The following FARP1 variants were observed in gnomAD, a reference collection of about 807,000 sequenced individuals.
The protein encoded by FARP1 is FERM, ARH/RhoGEF and pleckstrin domain protein 1.
FARP1 carries 52 observed loss-of-function variants against 128.8 expected under a neutral mutation model. That is an observed-to-expected ratio of 0.40 (90% CI 0.32 to 0.51). The LOEUF (loss-of-function observed/expected upper bound fraction) is 0.51. FARP1 is among the 20% of genes least tolerant of loss of function. The pLI is 0.45. For synonymous variants in FARP1, 580 were observed against 551.8 expected, an observed-to-expected ratio of 1.05 and a Z score of -0.72; for missense variants, 1,333 against 1,367.9, an observed-to-expected ratio of 0.97 and a Z score of 0.40.
At chr13:98,215,399 C>T (rs370850860) in intron 2 of FARP1, among the ~76,000 whole-genome samples, 1 of 152,166 alleles carries the variant, frequency 6.6e-6, no homozygotes, top group African/African-American at 2.4e-5. Flanking sequence ...ACTCATATAC[C>T]TGTCAGATGC....
chr13:98,171,430 A>C (rs1877645877), intron 1 of FARP1, among the ~76,000 whole-genome samples: 1 of 152,194 alleles, frequency 6.6e-6, no homozygotes, highest in African/African-American at 2.4e-5. Flanking sequence ...TTCTCTGAGC[A>C]TCACTTATGA....
At chr13:98,167,630 G>A (rs867370997) in intron 1 of FARP1, among the ~76,000 whole-genome samples, 4 of 151,648 alleles carry the variant, frequency 2.6e-5, no homozygotes, top group Non-Finnish European at 5.9e-5. Flanking sequence ...GGCTGGTCGC[G>A]AACTTCTGAC....
intron 2 of FARP1, among the ~76,000 whole-genome samples, chr13:98,321,151 G>C (rs550473260): frequency 2.6e-5 from 4 of 152,306 alleles, no homozygotes; most frequent in African/African-American, 9.6e-5. Context: ...AACCCTCCAG[G>C]ACTCTTGGTC....
At chr13:98,392,601 A>C (rs759987035) in intron 11 of FARP1, among the ~76,000 whole-genome samples, 2 of 151,882 alleles carry the variant, frequency 1.3e-5, no homozygotes, top group African/African-American at 4.8e-5. Context: ...TTTTAATACT[A>C]CCTTTTTTTT....
intron 5 of FARP1, among the ~76,000 whole-genome samples, chr13:98,377,195 G>A (rs1471586557): frequency 2.0e-5 from 3 of 151,760 alleles, no homozygotes; most frequent in Non-Finnish European, 4.4e-5. Flanking sequence ...CCAGCTACTC[G>A]GGAGGCTGAG....
intron 2 of FARP1, among the ~76,000 whole-genome samples, chr13:98,237,159 C>T (rs1353070213): frequency 1.3e-5 from 2 of 151,758 alleles, no homozygotes; most frequent in Non-Finnish European, 2.9e-5. Flanking sequence ...ACAAAATTTG[C>T]CGGGCATGGT....
chr13:98,322,882 G>T (rs1887062765), intron 2 of FARP1, among the ~76,000 whole-genome samples: 1 of 152,178 alleles, frequency 6.6e-6, no homozygotes, highest in Non-Finnish European at 1.5e-5. Context: ...GATTTGCCTA[G>T]AAATTTGTTT....
At position 98,440,104 on chromosome 13, in the gene FARP1, G is replaced by A. The variant is rs2139117042; in HGVS notation, c.2517-19G>A. ...TTGATGTGCTGTGGCCTGAACACCTGACGCGTCTCTGTCTCCAGTTCTCGG... is the reference window on the plus strand; with the variant it reads ...TTGATGTGCTGTGGCCTGAACACCTAACGCGTCTCTGTCTCCAGTTCTCGG... On this transcript the variant is annotated intron_variant, in intron 22 of 26. Transcript: ENST00000319562. 6.2e-7 allele frequency: 1 copy of A among 1,610,944 alleles called. No individual in the cohort carries two copies. Among genetic ancestry groups the A allele is most frequent in the East Asian group, 2.2e-5 (1 of 44,840 alleles).
chr13:98,312,793 A>G (rs678950), intron 2 of FARP1, among the ~76,000 whole-genome samples: 79,929 of 151,962 alleles, frequency 0.53, 22,636 homozygotes, highest in East Asian at 0.71. Context: ...TTGAGTCACT[A>G]TAGAGGCCGT....
intron 2 of FARP1, among the ~76,000 whole-genome samples, chr13:98,307,523 C>T (rs1026014209): frequency 2.6e-5 from 4 of 152,110 alleles, no homozygotes; most frequent in African/African-American, 9.7e-5. Flanking sequence ...TGTCGTGAGT[C>T]CTGTTCACAC....
At chr13:98,221,251 TC>T in intron 2 of FARP1, among the ~76,000 whole-genome samples, 1 of 152,356 alleles carries the variant, frequency 6.6e-6, no homozygotes, top group South Asian at 2.1e-4. Flanking sequence ...AACTTTAGTT[TC>T]CTTCTTGTTC....
At chr13:98,433,955 G>A (rs1892146272) in intron 18 of FARP1, 1 of 152,300 alleles carries the variant, frequency 6.6e-6, no homozygotes, top group Non-Finnish European at 1.5e-5. Context: ...TGGCTCTGAG[G>A]ACTCCTCAGA....
intron 1 of FARP1, among the ~76,000 whole-genome samples, chr13:98,200,387 A>ACCCCCCCCCCCCCCCCCCCCCCC (rs34861204): frequency 7.8e-6 from 1 of 127,540 alleles, no homozygotes; most frequent in African/African-American, 3.1e-5. Flanking sequence ...TGCAACCTTC[A>ACCCCCCCCCCCCCCCCCCCCCCC]CCCCCCCCCC....
chr13:98,434,111 G>C (rs1892154807), intron 18 of FARP1: 2 of 152,296 alleles, frequency 1.3e-5, no homozygotes, highest in Admixed American at 1.3e-4. Context: ...GTGCTAGCTA[G>C]CTTAAAGCAT....
At chr13:98,171,358 C>G (rs769500687) in intron 1 of FARP1, among the ~76,000 whole-genome samples, 2 of 152,172 alleles carry the variant, frequency 1.3e-5, no homozygotes, top group African/African-American at 2.4e-5. Context: ...CCTCTTGTTT[C>G]CCACGCCCTT....
At chr13:98,208,227 C>T (rs928595305) in intron 1 of FARP1, among the ~76,000 whole-genome samples, 53 of 151,726 alleles carry the variant, frequency 3.5e-4, no homozygotes, top group African/African-American at 1.1e-3. Flanking sequence ...TGGTGGCTAA[C>T]TCCTGTAATC....
intron 3 of FARP1, 60 bp from the exon 4 acceptor site, chr13:98,365,335 A>G (rs1566920817): frequency 7.6e-7 from 1 of 1,313,726 alleles, no homozygotes; most frequent in South Asian, 1.2e-5. Context: ...CAAAATCTCA[A>G]AATACTTGCA....
rs370422386 is a variant in FARP1 at position 98,231,140 on chromosome 13, G to A, written c.171+17727G>A. Among the ~76,000 whole-genome samples the A allele has an allele frequency of 2.6e-5, 4 of 152,226 alleles. 1 individual carries two copies. The highest frequency in any genetic ancestry group is 9.6e-5 in the African/African-American group (4 of 41,548). On this transcript the variant is annotated intron_variant, in intron 2 of 26. Coordinates refer to ENST00000319562, the MANE Select transcript of FARP1 (RefSeq NM_005766.4). ...ACAGTTCAAGGTGAGATTTGGGTGG[G>A]GACACAGCCAAATCATATCAGCAGG...
At position 98,255,505 on chromosome 13, in the gene FARP1, A is replaced by C. The variant is rs527607659; in HGVS notation, c.171+42092A>C. Among the ~76,000 whole-genome samples, 47 of 152,306 alleles carry C rather than the reference A, an allele frequency of 3.1e-4. 1 individual carries two copies. Among genetic ancestry groups the C allele is most frequent in the African/African-American group, 5.5e-4 (23 of 41,552 alleles). On this transcript the variant is annotated intron_variant, in intron 2 of 26. Coordinates refer to ENST00000319562, the MANE Select transcript of FARP1 (RefSeq NM_005766.4). The stretch of plus-strand genomic sequence containing the variant: ...AACAGAGTGAGACTTCATCTCAAAA[A>C]AAAAACAAAAACAAAAACTAGTGGT...
Sources: allele counts gnomAD v4.1 joint callset (sites outside exome capture counted in the v4.1 genomes callset), GRCh38; gene constraint gnomAD v4.1.1; transcripts MANE v1.5; gene names NCBI Gene and HGNC (gene_info 2026-07-23, HGNC 2026-07-21).